Variants in WWOX observed in about 807,000 individuals in gnomAD.
The protein encoded by WWOX is WW domain containing oxidoreductase, also known as WW domain-containing oxidoreductase.
WWOX carries 69 observed loss-of-function variants against 46.2 expected under a neutral mutation model. The observed-to-expected ratio is 1.49, with a 90% confidence interval of 1.23 to 1.82. The LOEUF is 1.82. Among genes scored for constraint, WWOX ranks in the 40% most tolerant of loss-of-function variants. The pLI is 0.00. For synonymous variants in WWOX, 359 were observed against 202.6 expected, an observed-to-expected ratio of 1.77 and a Z score of -6.56; for missense variants, 919 against 542.6, an observed-to-expected ratio of 1.69 and a Z score of -6.89.
intron 8 of WWOX, among the ~76,000 whole-genome samples, chr16:78,864,512 G>T (rs994697914): frequency 1.3e-5 from 2 of 151,984 alleles, no homozygotes; most frequent in Non-Finnish European, 2.9e-5. Context: ...CAGGAGATCC[G>T]CCTGCCTTGG....
At chr16:78,865,463 T>C (rs1228144725) in intron 8 of WWOX, among the ~76,000 whole-genome samples, 1 of 152,236 alleles carries the variant, frequency 6.6e-6, no homozygotes, top group African/African-American at 2.4e-5. Context: ...GCTGAGGCTT[T>C]TGACAATTTC....
chr16:78,799,863 A>C (rs948929134), intron 8 of WWOX, among the ~76,000 whole-genome samples: 1 of 152,164 alleles, frequency 6.6e-6, no homozygotes, highest in African/African-American at 2.4e-5. Context: ...TATTAGTCAA[A>C]GTTCCAGTTA....
intron 8 of WWOX, among the ~76,000 whole-genome samples, chr16:78,709,748 T>TGG (rs2142319153): frequency 6.6e-6 from 1 of 151,410 alleles, no homozygotes; most frequent in Admixed American, 6.6e-5. Flanking sequence ...TTTTTTTTTT[T>TGG]GTGATAATCT....
chr16:78,857,173 G>C lies in WWOX; in HGVS notation c.1057-354435G>C, dbSNP rs116949837. On this transcript the variant is annotated intron_variant, in intron 8 of 8. Transcript: ENST00000566780. ...CACATATGCAAAGAGTTTTGGCTAA[G>C]GGAAAAGAAAAATGTGAACCTCCTA... Among the ~76,000 whole-genome samples, 221 of 152,162 alleles carry C rather than the reference G, an allele frequency of 1.5e-3. 3 individuals are homozygous for C. In the East Asian group the frequency reaches 0.033, roughly 23 times the overall value.
Position 78,482,825 on chromosome 16 carries a change from A to G in WWOX, c.1056+50073A>G, listed in dbSNP as rs145499073. 3.8e-3 allele frequency among the ~76,000 whole-genome samples: 580 copies of G among 152,272 alleles called. 1 individual carries two copies. Among genetic ancestry groups the G allele is most frequent in the Non-Finnish European group, 6.3e-3 (428 of 68,016 alleles). ...GTTTCATTTTTCTTGGGAAGGATCT[A>G]TCTCACTCATCTGCCTTCCTGTGTC... is the stretch of plus-strand genomic sequence containing the variant. On this transcript the variant is annotated intron_variant, in intron 8 of 8. Coordinates refer to ENST00000566780, the MANE Select transcript of WWOX (RefSeq NM_016373.4).
At chr16:78,657,722 G>C (rs1385747361) in intron 8 of WWOX, among the ~76,000 whole-genome samples, 1 of 152,152 alleles carries the variant, frequency 6.6e-6, no homozygotes, top group Non-Finnish European at 1.5e-5. Context: ...TAGCTTGGAA[G>C]GTGGCGCAAA....
chr16:79,072,058 G>A (rs145754660), intron 8 of WWOX, among the ~76,000 whole-genome samples: 1 of 152,288 alleles, frequency 6.6e-6, no homozygotes, highest in Non-Finnish European at 1.5e-5. Context: ...AGAGGCGGGA[G>A]GATTGCTTGA....
chr16:78,903,945 G>A (rs553893507), intron 8 of WWOX, among the ~76,000 whole-genome samples: 20 of 152,304 alleles, frequency 1.3e-4, no homozygotes, highest in Admixed American at 9.8e-4. Flanking sequence ...CTCCGGGCCA[G>A]CCACACAGCG....
At chr16:78,305,492 G>T (rs1396141137) in intron 5 of WWOX, among the ~76,000 whole-genome samples, 2 of 152,094 alleles carry the variant, frequency 1.3e-5, no homozygotes, top group Admixed American at 6.5e-5. Context: ...GGGATATTTG[G>T]AATCTTTCCC....
intron 8 of WWOX, among the ~76,000 whole-genome samples, chr16:78,711,373 C>CA (rs764017814): frequency 7.9e-5 from 12 of 152,276 alleles, no homozygotes; most frequent in Middle Eastern, 6.8e-3. Flanking sequence ...ACATGATGCT[C>CA]ATATCTGGCC....
At chr16:78,796,368 G>C (rs1229057792) in intron 8 of WWOX, among the ~76,000 whole-genome samples, 1 of 152,224 alleles carries the variant, frequency 6.6e-6, no homozygotes, top group Non-Finnish European at 1.5e-5. Context: ...AAAAGTACAA[G>C]TTTCCAAGGA....
At chr16:78,580,232 C>T (rs1032179739) in intron 8 of WWOX, among the ~76,000 whole-genome samples, 2 of 152,182 alleles carry the variant, frequency 1.3e-5, no homozygotes, top group Non-Finnish European at 2.9e-5. Context: ...TGCCAGCATG[C>T]CCGGCTAGCT....
chr16:79,148,112 A>G (rs996261169), intron 8 of WWOX, among the ~76,000 whole-genome samples: 5 of 152,144 alleles, frequency 3.3e-5, no homozygotes, highest in Non-Finnish European at 7.4e-5. Context: ...CCTTTCATCA[A>G]CTGAGCTTTT....
At chr16:78,290,542 T>C (rs2079843735) in intron 5 of WWOX, among the ~76,000 whole-genome samples, 1 of 152,178 alleles carries the variant, frequency 6.6e-6, no homozygotes, top group Non-Finnish European at 1.5e-5. Context: ...ACCGTATTTA[T>C]GAAGAGAGTG....
At position 78,862,231 on chromosome 16, in the gene WWOX, T is replaced by C. The variant is rs192270866; in HGVS notation, c.1057-349377T>C. ...ACACCTATGGGTGTGTCTGTCTGTA[T>C]CTATACACACCTATGGGTGTGTCTG... On this transcript the variant is annotated intron_variant, in intron 8 of 8. Transcript: ENST00000566780. Among the ~76,000 whole-genome samples the C allele has an allele frequency of 7.8e-4, 109 of 139,188 alleles. 1 individual carries two copies. The highest frequency in any genetic ancestry group is 2.3e-3 in the African/African-American group (92 of 39,996). 91.3% of individuals were successfully genotyped at this position (139,188 alleles called of 152,430 possible). A position where few individuals can be genotyped will look rare whatever the true frequency, so the allele number is the denominator to read the frequency against.
At chr16:78,665,114 A>G (rs1567474458) in intron 8 of WWOX, among the ~76,000 whole-genome samples, 1 of 152,168 alleles carries the variant, frequency 6.6e-6, no homozygotes, top group Non-Finnish European at 1.5e-5. Context: ...GGGACAAAAG[A>G]TAGCAGAGCC....
chr16:78,448,662 T>C (rs1004152413), intron 8 of WWOX, among the ~76,000 whole-genome samples: 1 of 151,970 alleles, frequency 6.6e-6, no homozygotes, highest in Non-Finnish European at 1.5e-5. Context: ...TAATGAGGGG[T>C]GAGGAAGTTA....
At chr16:78,799,067 A>G (rs115301354) in intron 8 of WWOX, among the ~76,000 whole-genome samples, 2,043 of 152,264 alleles carry the variant, frequency 0.013, 46 homozygotes, top group African/African-American at 0.046. Context: ...TACCTTGTCA[A>G]TCCATTTTGT....
At chr16:79,022,908 T>A (rs1222343694) in intron 8 of WWOX, among the ~76,000 whole-genome samples, 1 of 152,214 alleles carries the variant, frequency 6.6e-6, no homozygotes, top group Non-Finnish European at 1.5e-5. Flanking sequence ...CCCCTGAGCA[T>A]CAGTTTACTC....
Sources: gnomAD v4.1 joint callset for allele counts (sites outside exome capture counted in the v4.1 genomes callset) on GRCh38, gnomAD v4.1.1 for gene constraint, MANE v1.5 for transcripts, NCBI Gene and HGNC (gene_info 2026-07-23, HGNC 2026-07-21) for gene names.